Variants in MARCHF1 observed in about 807,000 individuals in gnomAD.
MARCHF1 encodes E3 ubiquitin-protein ligase MARCHF1.
A neutral mutation model predicts 54.2 loss-of-function variants in MARCHF1; 40 were observed. The ratio of observed to expected loss-of-function variants is 0.74; its 90% CI spans 0.57 to 0.96. MARCHF1 has a LOEUF of 0.96. MARCHF1 is among the 40% of genes least tolerant of loss of function. The probability of loss-of-function intolerance (pLI) is 0.00; values close to 1 mark genes in which losing one functional copy is unlikely to be tolerated. For synonymous variants in MARCHF1, 236 were observed against 236.3 expected (o/e 1.00, Z 0.01); for missense variants, 586 against 656.5 (o/e 0.89, Z 1.17).
intron 3 of MARCHF1, among the ~76,000 whole-genome samples, chr4:163,869,926 G>A (rs1750135837): frequency 6.6e-6 from 1 of 152,102 alleles, no homozygotes. Flanking sequence ...GAGTGGATTG[G>A]TGGAAATAAT....
chr4:163,869,508 C>T (rs1416150554), intron 3 of MARCHF1, among the ~76,000 whole-genome samples: 2 of 152,020 alleles, frequency 1.3e-5, no homozygotes, highest in Non-Finnish European at 2.9e-5. Context: ...CCATTAATGT[C>T]TTGCTTTTTT....
chr4:163,678,902 T>C (rs927538257), intron 5 of MARCHF1, among the ~76,000 whole-genome samples: 1 of 152,196 alleles, frequency 6.6e-6, no homozygotes, highest in African/African-American at 2.4e-5. Context: ...TCCTTGTAGA[T>C]AAAATAATTT....
At chr4:164,238,444 A>G (rs1381240269) in intron 1 of MARCHF1, among the ~76,000 whole-genome samples, 1 of 152,128 alleles carries the variant, frequency 6.6e-6, no homozygotes, top group Non-Finnish European at 1.5e-5. Context: ...TTACAAGGAA[A>G]GAACTGAGTC....
At chr4:163,539,632 TCA>T (rs747112195) in intron 9 of MARCHF1, among the ~76,000 whole-genome samples, 5 of 152,160 alleles carry the variant, frequency 3.3e-5, no homozygotes, top group Non-Finnish European at 7.3e-5. Context: ...CTCTCCAGAA[TCA>T]CAGAGGGAGG....
intron 1 of MARCHF1, among the ~76,000 whole-genome samples, chr4:164,183,948 G>A (rs1398452785): frequency 6.6e-6 from 1 of 152,210 alleles, no homozygotes; most frequent in Admixed American, 6.5e-5. Context: ...GGAGGAAGCA[G>A]AGGAAAGAGG....
chr4:164,135,457 A>T (rs374552400), intron 1 of MARCHF1: 22 of 152,340 alleles, frequency 1.4e-4, no homozygotes, highest in African/African-American at 5.3e-4. Context: ...AAAATTCACA[A>T]TCATGGTGGA....
intron 8 of MARCHF1, among the ~76,000 whole-genome samples, chr4:163,552,760 G>A (rs1173395725): frequency 1.3e-5 from 2 of 152,040 alleles, no homozygotes; most frequent in African/African-American, 4.8e-5. Flanking sequence ...GGGGCCTGGA[G>A]CGGTGGCTCA....
At chr4:163,896,159 A>G (rs1465206022) in intron 3 of MARCHF1, among the ~76,000 whole-genome samples, 3 of 152,178 alleles carry the variant, frequency 2.0e-5, no homozygotes, top group Non-Finnish European at 4.4e-5. Flanking sequence ...TGTGCCAAAA[A>G]AGAATAAAAA....
intron 4 of MARCHF1, among the ~76,000 whole-genome samples, chr4:163,754,609 C>T (rs866853882): frequency 5.3e-5 from 8 of 152,118 alleles, no homozygotes; most frequent in African/African-American, 1.7e-4. Context: ...AAAGTTAAAT[C>T]AATCTTTTTT....
intron 1 of MARCHF1, among the ~76,000 whole-genome samples, chr4:164,150,467 C>T (rs1419641546): frequency 2.0e-5 from 3 of 152,116 alleles, no homozygotes; most frequent in Non-Finnish European, 2.9e-5. Flanking sequence ...TCATGGAGAA[C>T]AGGTATTCTT....
intron 1 of MARCHF1, among the ~76,000 whole-genome samples, chr4:164,132,048 G>A (rs141491130): frequency 6.0e-4 from 92 of 152,196 alleles, no homozygotes; most frequent in African/African-American, 2.0e-3. Flanking sequence ...AACAGCCAAT[G>A]GAACAACATA....
At chr4:163,922,810 TAAAG>T (rs1270131369) in intron 3 of MARCHF1, among the ~76,000 whole-genome samples, 2 of 152,218 alleles carry the variant, frequency 1.3e-5, no homozygotes, top group Non-Finnish European at 2.9e-5. Flanking sequence ...ATTTGATTAA[TAAAG>T]AGTTGTTTCT....
At chr4:164,064,833 G>A (rs965495497) in intron 2 of MARCHF1, among the ~76,000 whole-genome samples, 2 of 152,154 alleles carry the variant, frequency 1.3e-5, no homozygotes, top group Non-Finnish European at 2.9e-5. Flanking sequence ...TTAATACATA[G>A]TTTATTGAGA....
chr4:163,655,458 G>A (rs139330279), intron 5 of MARCHF1, among the ~76,000 whole-genome samples: 4 of 151,818 alleles, frequency 2.6e-5, no homozygotes, highest in African/African-American at 7.2e-5. Context: ...AATAATAGTG[G>A]GAGACTTTAA....
At chr4:163,853,953 C>G in intron 4 of MARCHF1, 68 bp downstream of exon 4, 1 of 1,363,292 alleles carries the variant, frequency 7.3e-7, no homozygotes, top group Non-Finnish European at 1.0e-6. Flanking sequence ...TAAGGTCATC[C>G]TCTCCACATT....
intron 1 of MARCHF1, among the ~76,000 whole-genome samples, chr4:164,294,060 T>C (rs563904914): frequency 6.6e-6 from 1 of 152,332 alleles, no homozygotes; most frequent in South Asian, 2.1e-4. Context: ...AAGCTTCATT[T>C]TTCTCCTACA....
intron 1 of MARCHF1, among the ~76,000 whole-genome samples, chr4:164,227,602 C>T (rs1732294326): frequency 6.6e-6 from 1 of 152,056 alleles, no homozygotes; most frequent in Non-Finnish European, 1.5e-5. Flanking sequence ...CTATTTACCT[C>T]AGTGATATTT....
chr4:164,239,922 C>A (rs993049196), intron 1 of MARCHF1, among the ~76,000 whole-genome samples: 1 of 152,116 alleles, frequency 6.6e-6, no homozygotes, highest in Non-Finnish European at 1.5e-5. Context: ...AAAATATGTT[C>A]TTCTATTTCT....
chr4:163,883,347 A>AAT (rs1750461375), intron 3 of MARCHF1, among the ~76,000 whole-genome samples: 1 of 138,298 alleles, frequency 7.2e-6, no homozygotes, highest in Non-Finnish European at 1.5e-5. Context: ...CTACGGATGT[A>AAT]TTTTTTTTTT....
Sources: gnomAD v4.1 joint callset for allele counts (sites outside exome capture counted in the v4.1 genomes callset) on GRCh38, gnomAD v4.1.1 for gene constraint, MANE v1.5 for transcripts, NCBI Gene and HGNC (gene_info 2026-07-23, HGNC 2026-07-21) for gene names.